The following TBXAS1 variants were observed in gnomAD, a reference collection of about 807,000 sequenced individuals.
TBXAS1 encodes thromboxane-A synthase.
Under a neutral mutation model 60.7 loss-of-function variants are expected in TBXAS1, and 48 were observed. The ratio of observed to expected loss-of-function variants is 0.79; its 90% CI spans 0.63 to 1.01. The LOEUF is 1.01. TBXAS1 is among the 50% of genes least tolerant of loss of function. The probability of loss-of-function intolerance (pLI) is 0.00; values close to 1 mark genes in which losing one functional copy is unlikely to be tolerated. For missense variants in TBXAS1, 685 were observed against 686.3 expected (o/e 1.00, Z 0.02); for synonymous variants, 287 against 269.7 (o/e 1.06, Z -0.63).
chr7:139,890,207 CTTTTTTTTTT>C (rs57305084), intron 3 of TBXAS1, among the ~76,000 whole-genome samples: 2 of 85,602 alleles, frequency 2.3e-5, no homozygotes, highest in South Asian at 4.8e-4. Flanking sequence ...AGGATGCAGT[CTTTTTTTTTT>C]TTTTTTTTTT....
At chr7:139,890,579 A>G (rs1441896645) in intron 3 of TBXAS1, among the ~76,000 whole-genome samples, 2 of 152,216 alleles carry the variant, frequency 1.3e-5, no homozygotes, top group Admixed American at 6.5e-5. Context: ...GGACTAGGAT[A>G]TGGAGAACAG....
At chr7:139,838,436 A>G (rs2116549141) in intron 1 of TBXAS1, among the ~76,000 whole-genome samples, 1 of 152,226 alleles carries the variant, frequency 6.6e-6, no homozygotes, top group African/African-American at 2.4e-5. Context: ...CTTGGCCTTC[A>G]CAGTTCCATA....
At position 139,965,218 on chromosome 7, in the gene TBXAS1, CA is replaced by C. The variant is rs34111163; in HGVS notation, c.1134+2996del. On this transcript the variant is annotated intron_variant, in intron 9 of 12. Coordinates refer to ENST00000448866, the MANE Select transcript of TBXAS1 (RefSeq NM_001061.7). ...GGGCAATAAGAAAGAAACTCCGTCT[CA>C]AAAAAAAAAAGGACCACATGTTATT... 2.2e-3 allele frequency among the ~76,000 whole-genome samples: 307 copies of C among 141,826 alleles called. 1 individual carries two copies. Among genetic ancestry groups the C allele is most frequent in the African/African-American group, 6.4e-3 (247 of 38,558 alleles). 93.0% of individuals were successfully genotyped at this position (141,826 alleles called of 152,430 possible).
intron 11 of TBXAS1, among the ~76,000 whole-genome samples, chr7:140,016,217 A>T (rs894613485): frequency 1.8e-4 from 27 of 151,996 alleles, no homozygotes; most frequent in African/African-American, 6.5e-4. Context: ...AGTCCCAGCT[A>T]CTTGGGAGGC....
At chr7:139,868,652 A>ATTTTT (rs71170918) in intron 1 of TBXAS1, among the ~76,000 whole-genome samples, 1 of 105,044 alleles carries the variant, frequency 9.5e-6, no homozygotes, top group Admixed American at 1.0e-4. Context: ...CCTGGCTAAT[A>ATTTTT]TTTTTTTTTT....
intron 5 of TBXAS1, chr7:139,952,774 T>C (rs946815708): frequency 7.3e-7 from 1 of 1,361,196 alleles, no homozygotes; most frequent in African/African-American, 1.5e-5. Context: ...ATAGGAGGCA[T>C]CTTGAAGTCA....
At chr7:140,015,344 G>A (rs1324055433) in intron 10 of TBXAS1, among the ~76,000 whole-genome samples, 2 of 152,126 alleles carry the variant, frequency 1.3e-5, no homozygotes, top group Non-Finnish European at 2.9e-5. Context: ...ATAGGCTGTG[G>A]CCCAGGAATG....
chr7:139,829,555 G>C, intron 1 of TBXAS1, 76 bp downstream of exon 1: 2 of 1,340,272 alleles, frequency 1.5e-6, no homozygotes, highest in Non-Finnish European at 2.1e-6. Flanking sequence ...CCATGGCGGG[G>C]TATGTGGGAG....
chr7:140,017,394 G>A (rs545856211), intron 11 of TBXAS1, among the ~76,000 whole-genome samples: 14 of 152,294 alleles, frequency 9.2e-5, no homozygotes, highest in Non-Finnish European at 1.8e-4. Context: ...TGAGTCTGTG[G>A]GCTTATTAGC....
chr7:139,981,681 C>T (rs1811990816), intron 9 of TBXAS1, among the ~76,000 whole-genome samples: 1 of 152,206 alleles, frequency 6.6e-6, no homozygotes, highest in African/African-American at 2.4e-5. Flanking sequence ...GTTTCTTAGG[C>T]ATTAAAATGG....
intron 9 of TBXAS1, among the ~76,000 whole-genome samples, chr7:140,001,749 A>C (rs1194783202): frequency 6.6e-6 from 1 of 152,180 alleles, no homozygotes; most frequent in African/African-American, 2.4e-5. Flanking sequence ...AACCAAAATG[A>C]ATGTTCATTC....
intron 9 of TBXAS1, among the ~76,000 whole-genome samples, chr7:139,989,666 T>C (rs1484234145): frequency 6.6e-6 from 1 of 152,312 alleles, no homozygotes; most frequent in East Asian, 1.9e-4. Context: ...TTTAGAATAC[T>C]GAAGACACAT....
chr7:140,004,730 C>T lies in TBXAS1; in HGVS notation c.1135-2361C>T, dbSNP rs1386018258. ...CTAGGGAAATTGGTCCAGCTGTCTC[C>T]CCTTTCCACAGCCTTCCCCAGCCAG... On this transcript the variant is annotated intron_variant, in intron 9 of 12. Coordinates refer to ENST00000448866, the MANE Select transcript of TBXAS1 (RefSeq NM_001061.7). The surrounding 1 kb of genome is among the most constrained non-coding windows in gnomAD (Gnocchi z 5.1). Among the ~76,000 whole-genome samples the T allele has an allele frequency of 6.6e-6, 1 of 152,196 alleles. No homozygotes were observed. The highest frequency in any genetic ancestry group is 2.4e-5 in the African/African-American group (1 of 41,440).
intron 3 of TBXAS1, among the ~76,000 whole-genome samples, chr7:139,904,967 CCCTA>C (rs973859400): frequency 7.9e-5 from 12 of 151,838 alleles, no homozygotes; most frequent in Non-Finnish European, 1.6e-4. Flanking sequence ...TTCCCTCCCT[CCCTA>C]CCTTTCTTTC....
intron 5 of TBXAS1, among the ~76,000 whole-genome samples, chr7:139,952,014 A>AAAC (rs1569518460): frequency 2.5e-5 from 1 of 40,080 alleles, no homozygotes; most frequent in East Asian, 5.4e-4. Flanking sequence ...AAGAAAGAAA[A>AAAC]AGAAAGGAAG....
At chr7:139,807,160 A>G (rs1797898707) in intron 4 of TBXAS1, among the ~76,000 whole-genome samples, 1 of 152,074 alleles carries the variant, frequency 6.6e-6, no homozygotes, top group Admixed American at 6.6e-5. Context: ...CAGCTCTTCC[A>G]TGTGGTCTCA....
At chr7:139,932,962 G>A (rs1434426183) in intron 4 of TBXAS1, among the ~76,000 whole-genome samples, 2 of 152,154 alleles carry the variant, frequency 1.3e-5, no homozygotes, top group Non-Finnish European at 2.9e-5. Flanking sequence ...GAGACTGAGA[G>A]GGTAGGATCG....
intron 5 of TBXAS1, among the ~76,000 whole-genome samples, chr7:139,940,451 T>C (rs1808197651): frequency 6.6e-6 from 1 of 152,168 alleles, no homozygotes; most frequent in African/African-American, 2.4e-5. Context: ...AAGATCTATA[T>C]AGTCAGAATT....
At chr7:139,782,792 T>G (rs1797044871) in intron 3 of TBXAS1, 1 of 152,234 alleles carries the variant, frequency 6.6e-6, no homozygotes, top group South Asian at 2.1e-4. Context: ...TCTTGCTGTA[T>G]CTCTATTTTC....
Sources: gnomAD v4.1 joint callset for allele counts (sites outside exome capture counted in the v4.1 genomes callset) on GRCh38, gnomAD v4.1.1 for gene constraint, Gnocchi (gnomAD v3.1) non-coding constraint, MANE v1.5 for transcripts, NCBI Gene and HGNC (gene_info 2026-07-23, HGNC 2026-07-21) for gene names.